SMCO2: variants seen among roughly 807,000 people sequenced by gnomAD.
SMCO2 encodes single-pass membrane and coiled-coil domain-containing protein 2.
SMCO2 carries 25 observed loss-of-function variants against 29.5 expected under a neutral mutation model. The observed-to-expected ratio is 0.85, with a 90% CI of 0.62 to 1.18. The LOEUF (loss-of-function observed/expected upper bound fraction) is 1.18, where lower values mean the gene tolerates loss of function less well. SMCO2 is among the 50% of genes most tolerant of loss of function. SMCO2 has a pLI of 0.00. For synonymous variants in SMCO2, 117 were observed against 123.3 expected (o/e 0.95, Z 0.34); for missense variants, 348 against 344.5 (o/e 1.01, Z -0.08).
the SMCO2 span, among the ~76,000 whole-genome samples, chr12:27,445,139 A>T: frequency 1.1e-4 from 16 of 152,336 alleles, no homozygotes; most frequent in Non-Finnish European, 1.9e-4. Context: ...AGCTAAAAAA[A>T]GTGAATCTCG....
intron 5 of SMCO2, among the ~76,000 whole-genome samples, chr12:27,490,475 G>A (rs941756809): frequency 6.6e-6 from 1 of 152,134 alleles, no homozygotes; most frequent in Non-Finnish European, 1.5e-5. Context: ...AAAATTCATA[G>A]AACTGTATAC....
At chr12:27,476,647 A>G (rs1458070430) in intron 4 of SMCO2, among the ~76,000 whole-genome samples, 2 of 151,908 alleles carry the variant, frequency 1.3e-5, no homozygotes, top group Admixed American at 6.6e-5. Flanking sequence ...TTTTTGACTT[A>G]AAGTCTGTTC....
chr12:27,476,250 A>T (rs114742387), intron 4 of SMCO2, among the ~76,000 whole-genome samples: 426 of 152,226 alleles, frequency 2.8e-3, no homozygotes, highest in African/African-American at 9.6e-3. Flanking sequence ...ATGTTTTAAA[A>T]TTTGTTAAGA....
At chr12:27,478,404 G>T (rs779683645) in intron 4 of SMCO2, among the ~76,000 whole-genome samples, 1 of 152,144 alleles carries the variant, frequency 6.6e-6, no homozygotes, top group Admixed American at 6.5e-5. Context: ...TAGGCAGCTT[G>T]CTTGATTGCT....
chr12:27,455,289 G>T, the SMCO2 span, among the ~76,000 whole-genome samples: 1 of 152,160 alleles, frequency 6.6e-6, no homozygotes, highest in Non-Finnish European at 1.5e-5. Context: ...TAACAGTCCG[G>T]TGGGCATATT....
rs566962192 is a variant in SMCO2, at chr12:27,488,819, G to C, written c.450+272G>C. ...AAGATGAGTACCTTAAGGGAGAATTGGTTTTCTTAATCTTTGTATGTCAGC... is the reference window on the plus strand; with the variant it reads ...AAGATGAGTACCTTAAGGGAGAATTCGTTTTCTTAATCTTTGTATGTCAGC... On this transcript the variant is annotated intron_variant, in intron 5 of 7. Transcript: ENST00000298876. 7.6e-4 allele frequency among the ~76,000 whole-genome samples: 116 copies of C among 152,122 alleles called. 1 individual carries two copies. The highest frequency in any genetic ancestry group is 2.6e-3 in the African/African-American group (107 of 41,496).
At chr12:27,467,641 C>A (rs948636109) in intron 1 of SMCO2, among the ~76,000 whole-genome samples, 4 of 151,998 alleles carry the variant, frequency 2.6e-5, no homozygotes, top group Admixed American at 2.6e-4. Context: ...TTAGCCAACC[C>A]ATTAAGACGC....
chr12:27,451,778 A>G, the SMCO2 span, among the ~76,000 whole-genome samples: 14 of 152,142 alleles, frequency 9.2e-5, no homozygotes, highest in African/African-American at 3.4e-4. Context: ...CAAATATGCA[A>G]TCTGTGAATA....
At chr12:27,438,208 C>T in the SMCO2 span, among the ~76,000 whole-genome samples, 1 of 152,220 alleles carries the variant, frequency 6.6e-6, no homozygotes, top group Non-Finnish European at 1.5e-5. Flanking sequence ...TGATATCTCA[C>T]TCCTGGTTTT....
the SMCO2 span, among the ~76,000 whole-genome samples, chr12:27,448,090 A>T: frequency 6.6e-6 from 1 of 152,236 alleles, no homozygotes; most frequent in Non-Finnish European, 1.5e-5. Flanking sequence ...TATCAATTAA[A>T]TACATGTTTT....
At chr12:27,479,295 C>T (rs1949619502) in intron 4 of SMCO2, among the ~76,000 whole-genome samples, 1 of 151,950 alleles carries the variant, frequency 6.6e-6, no homozygotes, top group Non-Finnish European at 1.5e-5. Flanking sequence ...TAGGCTGCTC[C>T]TCAGGCCCCT....
At chr12:27,497,874 T>G in intron 7 of SMCO2, 1 of 325,018 alleles carries the variant, frequency 3.1e-6, no homozygotes. Flanking sequence ...TTCCAAAAAA[T>G]ATTTGCTGCT....
At chr12:27,433,544 T>C in the SMCO2 span, among the ~76,000 whole-genome samples, 81 of 131,234 alleles carry the variant, frequency 6.2e-4, no homozygotes, top group African/African-American at 1.7e-3. Context: ...CACACACACA[T>C]ATATCATATT....
the SMCO2 span, among the ~76,000 whole-genome samples, chr12:27,443,760 A>C: frequency 6.6e-6 from 1 of 152,236 alleles, no homozygotes; most frequent in African/African-American, 2.4e-5. Flanking sequence ...GAATCAATCT[A>C]ACCAAAGAAG....
At chr12:27,488,500 A>C (rs1187706004) in exon 5 of SMCO2, 1 of 1,539,008 alleles carries the variant, frequency 6.5e-7, no homozygotes, top group East Asian at 2.5e-5. Context: ...TCAAATTGAA[A>C]AGCTGGAGGA....
chr12:27,501,233 G>A (rs1238399190), intron 7 of SMCO2, among the ~76,000 whole-genome samples: 4 of 148,266 alleles, frequency 2.7e-5, no homozygotes, highest in Non-Finnish European at 4.4e-5. Flanking sequence ...TGGCTAACAC[G>A]GTGAAACCCC....
At chr12:27,482,783 T>C (rs1460913652) in intron 4 of SMCO2, among the ~76,000 whole-genome samples, 1 of 152,222 alleles carries the variant, frequency 6.6e-6, no homozygotes, top group East Asian at 1.9e-4. Flanking sequence ...CAGGCTGGAG[T>C]GCAGTGGCAC....
chr12:27,494,491 T>TTAA (rs1302944718), intron 6 of SMCO2, 135 bp downstream of exon 7: 1 of 117,522 alleles, frequency 8.5e-6, no homozygotes, highest in African/African-American at 5.0e-5. Context: ...ATTTAATTTA[T>TTAA]TATTATTATT....
At chr12:27,445,437 A>G in the SMCO2 span, among the ~76,000 whole-genome samples, 1 of 152,188 alleles carries the variant, frequency 6.6e-6, no homozygotes, top group Non-Finnish European at 1.5e-5. Context: ...TTGAAATTCA[A>G]ATTTAACTGG....
Sources: allele counts gnomAD v4.1 joint callset (sites outside exome capture counted in the v4.1 genomes callset), GRCh38; gene constraint gnomAD v4.1.1; transcripts MANE v1.5; gene names NCBI Gene and HGNC (gene_info 2026-07-23, HGNC 2026-07-21).